Variants in DAPK1 observed in about 807,000 individuals in gnomAD.
DAPK1 encodes death-associated protein kinase 1.
A neutral mutation model predicts 144.9 loss-of-function variants in DAPK1; 56 were observed. The ratio of observed to expected loss-of-function variants is 0.39; its 90% confidence interval spans 0.31 to 0.48. DAPK1 has a LOEUF of 0.48. DAPK1 is among the 20% of genes least tolerant of loss of function. DAPK1 has a pLI of 0.95. For missense variants in DAPK1, 1,454 were observed against 1,875.4 expected (o/e 0.78, Z 4.15); for synonymous variants, 690 against 749.0 (o/e 0.92, Z 1.29).
intron 3 of DAPK1, among the ~76,000 whole-genome samples, chr9:87,624,868 G>A (rs1427571337): frequency 6.6e-6 from 1 of 152,198 alleles, no homozygotes; most frequent in Non-Finnish European, 1.5e-5. Context: ...CCCTAGGCTT[G>A]AGAAGAAAAC....
At chr9:87,651,151 C>T (rs1374487434) in intron 16 of DAPK1, among the ~76,000 whole-genome samples, 2 of 152,152 alleles carry the variant, frequency 1.3e-5, no homozygotes, top group Non-Finnish European at 2.9e-5. Flanking sequence ...ATAATAGGCT[C>T]TCTATTTAGG....
At position 87,518,254 on chromosome 9, in the gene DAPK1, G is replaced by C. The variant is rs546760519; in HGVS notation, c.62+19115G>C. On this transcript the variant is annotated intron_variant, in intron 2 of 25. Transcript: ENST00000408954. ...AGTCTCCCATGTAGCTGGGATTACA[G>C]GCGTGCCCCACCACACCCAGCTAAT... Among the ~76,000 whole-genome samples the C allele has an allele frequency of 6.6e-5, 10 of 151,216 alleles. No homozygotes were observed. The South Asian group carries it at 2.1e-3, about 32-fold the overall frequency.
chr9:87,499,633 G>A (rs1264715480), intron 2 of DAPK1, among the ~76,000 whole-genome samples: 1 of 152,184 alleles, frequency 6.6e-6, no homozygotes, highest in Non-Finnish European at 1.5e-5. Context: ...ATTGGGCTTG[G>A]ATTTTGAAAC....
At chr9:87,596,803 C>G (rs1342009278) in intron 2 of DAPK1, among the ~76,000 whole-genome samples, 2 of 152,216 alleles carry the variant, frequency 1.3e-5, no homozygotes, top group African/African-American at 4.8e-5. Context: ...CATAACAAAC[C>G]ACTCCAAAAC....
At chr9:87,700,725 T>A (rs36219444) in intron 24 of DAPK1, among the ~76,000 whole-genome samples, 1 of 152,228 alleles carries the variant, frequency 6.6e-6, no homozygotes, top group East Asian at 1.9e-4. Flanking sequence ...GGTCTCGAAC[T>A]CCTAGGCTCA....
chr9:87,678,231 G>A (rs954797169), intron 19 of DAPK1, among the ~76,000 whole-genome samples: 2 of 152,006 alleles, frequency 1.3e-5, no homozygotes, highest in African/African-American at 4.8e-5. Flanking sequence ...AGAATTTATA[G>A]ACAGGGACGC....
chr9:87,701,559 G>A (rs979044168), intron 24 of DAPK1, among the ~76,000 whole-genome samples: 4 of 152,102 alleles, frequency 2.6e-5, no homozygotes, highest in Non-Finnish European at 4.4e-5. Flanking sequence ...TGGTCACACC[G>A]TAATGTTCAA....
chr9:87,527,670 A>C (rs1825563348), intron 2 of DAPK1, among the ~76,000 whole-genome samples: 1 of 152,244 alleles, frequency 6.6e-6, no homozygotes, highest in South Asian at 2.1e-4. Context: ...TTCCATTAAC[A>C]AATATGTCAA....
At chr9:87,511,507 T>C (rs969679528) in intron 2 of DAPK1, among the ~76,000 whole-genome samples, 3 of 152,206 alleles carry the variant, frequency 2.0e-5, no homozygotes, top group African/African-American at 7.2e-5. Flanking sequence ...AAAGCCGCTC[T>C]GTAGCCAGGA....
chr9:87,533,621 A>G (rs1334126540), intron 2 of DAPK1, among the ~76,000 whole-genome samples: 5 of 151,338 alleles, frequency 3.3e-5, no homozygotes, highest in Non-Finnish European at 5.9e-5. Context: ...TGATAGGAAC[A>G]ATTTCTAATT....
Position 87,620,147 on chromosome 9 carries a change from C to T in DAPK1, c.284+14972C>T, listed in dbSNP as rs544357751. Among the ~76,000 whole-genome samples the T allele has an allele frequency of 5.6e-4, 85 of 152,056 alleles. 1 individual carries two copies. Among genetic ancestry groups the T allele is most frequent in the African/African-American group, 2.0e-3 (84 of 41,506 alleles). On this transcript the variant is annotated intron_variant, in intron 3 of 25. Transcript: ENST00000408954. ...GGCCACCCTCTCCCTGGCCCTCTCC[C>T]CAGGTGGGCGGTGGAGACCCTCTGC... is the stretch of plus-strand genomic sequence containing the variant.
chr9:87,556,353 A>G (rs1398129463), intron 2 of DAPK1, among the ~76,000 whole-genome samples: 1 of 152,228 alleles, frequency 6.6e-6, no homozygotes, highest in Non-Finnish European at 1.5e-5. Context: ...TCCTTTGTCA[A>G]AGCTCACAGA....
In DAPK1 at chr9:87,686,804, C is replaced by T; in HGVS notation, c.2413+65C>T. On this transcript the variant is annotated intron_variant, in intron 21 of 25. Transcript: ENST00000408954. This position sits in a 1 kb window ranked among gnomAD's most constrained non-coding sequence, Gnocchi z 4.2. ...CCTTCAACAGGGTTGTAAGTCATCCCTAAAGGGAGCTTGTCCTGAGCTGTA... is the reference window on the plus strand; with the variant it reads ...CCTTCAACAGGGTTGTAAGTCATCCTTAAAGGGAGCTTGTCCTGAGCTGTA... 1 of 1,413,030 alleles carries T rather than the reference C, an allele frequency of 7.1e-7. No individual in the cohort carries two copies. Among genetic ancestry groups the T allele is most frequent in the South Asian group, 1.3e-5 (1 of 79,242 alleles). 87.5% of individuals were successfully genotyped at this position (1,413,030 alleles called of 1,614,324 possible). A position where few individuals can be genotyped will look rare whatever the true frequency, so the allele number is the denominator to read the frequency against.
chr9:87,632,357 G>A, intron 3 of DAPK1: 1 of 984,060 alleles, frequency 1.0e-6, no homozygotes, highest in Non-Finnish European at 1.2e-6. Context: ...CATATGTAGG[G>A]ATGAAGGAGG....
Position 87,521,614 on chromosome 9 carries a change from G to C in DAPK1, c.62+22475G>C, listed in dbSNP as rs377172509. Among the ~76,000 whole-genome samples the C allele has an allele frequency of 9.5e-4, 144 of 152,294 alleles. No individual in the cohort carries two copies. In the South Asian group the frequency reaches 0.024, roughly 25 times the overall value. ...AGGATGTCAGCACTGGGGCACTGTG[G>C]TACAAAGAAGAGGAGAAGGATGACA... On this transcript the variant is annotated intron_variant, in intron 2 of 25. Transcript: ENST00000408954.
intron 2 of DAPK1, among the ~76,000 whole-genome samples, chr9:87,576,358 T>C: frequency 6.6e-6 from 1 of 152,252 alleles, no homozygotes; most frequent in Non-Finnish European, 1.5e-5. Flanking sequence ...TTTGCTCTTA[T>C]GTTTTGTACT....
Position 87,706,759 on chromosome 9 carries a change from C to T in DAPK1, c.3688C>T (p.Leu1230Phe). The change falls in exon 26 of 26, where the codon CTC becomes TTC. Residue 1230 changes from leucine (L) to phenylalanine (F), a missense_variant. Transcript: ENST00000408954. The surrounding 1 kb of genome is among the most constrained non-coding windows in gnomAD (Gnocchi z 9.0). Reference sequence around the variant, plus strand: ...CGTCATGGCCACCACGCTGCCAGGGCTCCTGACCGTGAAGCATTACCTGAG... The same window carrying T: ...CGTCATGGCCACCACGCTGCCAGGGTTCCTGACCGTGAAGCATTACCTGAG... The part of the protein sequence containing the change: ...ENVMATTLPG[L>F]LTVKHYLSPQ... 1 of 1,613,484 alleles carries T rather than the reference C, an allele frequency of 6.2e-7. No homozygotes were observed. The highest frequency in any genetic ancestry group is 8.5e-7 in the Non-Finnish European group (1 of 1,179,862).
Position 87,662,572 on chromosome 9 carries a change from T to TG in DAPK1, c.1923+4445_1923+4446insG, listed in dbSNP as rs1564056408. ...AAATATATTCCTAGTTTTTTTTTTT[T>TG]TTTTTTTTTTTTTGGTAGCTATTGT... On this transcript the variant is annotated intron_variant, in intron 18 of 25. Transcript: ENST00000408954. Among the ~76,000 whole-genome samples the TG allele has an allele frequency of 8.3e-4, 116 of 140,018 alleles. 4 individuals are homozygous for TG. Among genetic ancestry groups the TG allele is most frequent in the African/African-American group, 3.0e-3 (114 of 38,014 alleles). The allele number at this position is 140,018 out of a possible 152,430, so 91.9% of individuals were successfully genotyped here.
chr9:87,559,293 G>C (rs1253023381), intron 2 of DAPK1, among the ~76,000 whole-genome samples: 1 of 151,928 alleles, frequency 6.6e-6, no homozygotes, highest in African/African-American at 2.4e-5. Context: ...GGCTAGGGTA[G>C]GCTAGGGTAG....
Sources: gnomAD v4.1 joint callset for allele counts (sites outside exome capture counted in the v4.1 genomes callset) on GRCh38, gnomAD v4.1.1 for gene constraint, Gnocchi (gnomAD v3.1) non-coding constraint, MANE v1.5 for transcripts, NCBI Gene and HGNC (gene_info 2026-07-23, HGNC 2026-07-21) for gene names.